Variants in PPARD observed in about 807,000 individuals in gnomAD.
PPARD encodes peroxisome proliferator-activated receptor delta.
PPARD carries 6 observed loss-of-function variants against 39.5 expected under a neutral mutation model. That is an observed-to-expected ratio of 0.15 (90% CI 0.08 to 0.30). The LOEUF is 0.30. PPARD is among the 10% of genes least tolerant of loss of function. PPARD has a pLI of 1.00. For synonymous variants in PPARD, 210 were observed against 231.3 expected, an observed-to-expected ratio of 0.91 and a Z score of 0.83; for missense variants, 397 against 596.8, an observed-to-expected ratio of 0.67 and a Z score of 3.49.
intron 2 of PPARD, among the ~76,000 whole-genome samples, chr6:35,376,742 C>T (rs1222463178): frequency 2.6e-5 from 4 of 152,100 alleles, no homozygotes; most frequent in Non-Finnish European, 5.9e-5. Flanking sequence ...GACCTCCCGC[C>T]GGGCATGGTG....
At position 35,412,151 on chromosome 6, in the gene PPARD, G is replaced by A. The variant is rs956437723; in HGVS notation, c.130+934G>A. 3.3e-5 allele frequency among the ~76,000 whole-genome samples: 5 copies of A among 151,974 alleles called. No individual in the cohort carries two copies. Among genetic ancestry groups the A allele is most frequent in the African/African-American group, 7.3e-5 (3 of 41,352 alleles). ...TCACCATGTTGGCCAGGCTGGTCTC[G>A]AACCGCTGGGCTCAAGCAATCCACC... On this transcript the variant is annotated intron_variant, in intron 3 of 7. Coordinates refer to ENST00000360694, the MANE Select transcript of PPARD (RefSeq NM_006238.5). This position sits in a 1 kb window ranked among gnomAD's most constrained non-coding sequence, Gnocchi z 4.1.
At chr6:35,390,269 A>G (rs951020469) in intron 2 of PPARD, among the ~76,000 whole-genome samples, 6 of 152,166 alleles carry the variant, frequency 3.9e-5, no homozygotes, top group African/African-American at 1.4e-4. Flanking sequence ...CCTCCATCAC[A>G]CAGTTTGTAT....
rs17847870 is a variant in PPARD, at chr6:35,420,104, G to T, written c.131-23G>T. On this transcript the variant is annotated intron_variant, in intron 3 of 7. Coordinates refer to ENST00000360694, the MANE Select transcript of PPARD (RefSeq NM_006238.5). ...TCCAGGCCTGGCAGCATGTGGAGCT[G>T]CCCCTCCATCGTGTGTCCGCAGACC... The T allele has an allele frequency of 3.2e-5, 51 of 1,606,334 alleles. No individual in the cohort carries two copies. The East Asian group carries it at 1.1e-3, about 35-fold the overall frequency.
intron 2 of PPARD, among the ~76,000 whole-genome samples, chr6:35,385,085 C>A (rs1417031487): frequency 6.8e-6 from 1 of 146,268 alleles, no homozygotes; most frequent in Admixed American, 6.7e-5. Context: ...GCCGCCCCTA[C>A]TGGGAAGTGA....
chr6:35,355,705 A>G (rs1400413427), intron 2 of PPARD, among the ~76,000 whole-genome samples: 3 of 126,766 alleles, frequency 2.4e-5, no homozygotes, highest in African/African-American at 9.1e-5. Flanking sequence ...TCCGCCTCCC[A>G]GGTTCGCGCC....
At chr6:35,370,175 G>C (rs1365987434) in intron 2 of PPARD, among the ~76,000 whole-genome samples, 2 of 152,172 alleles carry the variant, frequency 1.3e-5, no homozygotes, top group African/African-American at 4.8e-5. Flanking sequence ...GATGCTGTCT[G>C]TGTCCTGACC....
intron 2 of PPARD, chr6:35,348,536 G>A (rs1006069571): frequency 1.7e-5 from 17 of 985,286 alleles, no homozygotes; most frequent in Non-Finnish European, 1.8e-5. Flanking sequence ...GCTGGGGGCC[G>A]GGGAAACGTG....
chr6:35,398,217 G>A (rs1764469344), intron 2 of PPARD, among the ~76,000 whole-genome samples: 1 of 152,166 alleles, frequency 6.6e-6, no homozygotes, highest in South Asian at 2.1e-4. Flanking sequence ...GAGAGTGGGT[G>A]GTGAGGTGGG....
chr6:35,351,588 A>C (rs200812911), intron 2 of PPARD, among the ~76,000 whole-genome samples: 1 of 149,756 alleles, frequency 6.7e-6, no homozygotes, highest in East Asian at 2.0e-4. Context: ...CATCTCCCTC[A>C]GTCACCCAGG....
At position 35,412,414 on chromosome 6, in the gene PPARD, C is replaced by T. The variant is rs1204439589; in HGVS notation, c.130+1197C>T. Among the ~76,000 whole-genome samples the T allele has an allele frequency of 3.3e-5, 5 of 152,164 alleles. No homozygotes were observed. Among genetic ancestry groups the T allele is most frequent in the African/African-American group, 1.2e-4 (5 of 41,436 alleles). On this transcript the variant is annotated intron_variant, in intron 3 of 7. Transcript: ENST00000360694. The surrounding 1 kb of genome is among the most constrained non-coding windows in gnomAD (Gnocchi z 4.1). ...AGCTGCAGGAGATCCTAGCCACAGG[C>T]GGTGACTCAGGCAGAGGAGCAAGCC...
At chr6:35,346,898 C>T (rs917086117) in intron 1 of PPARD, among the ~76,000 whole-genome samples, 169 bp from the exon 2 acceptor site, 2 of 152,242 alleles carry the variant, frequency 1.3e-5, no homozygotes, top group Non-Finnish European at 2.9e-5. Context: ...GAAATATTTG[C>T]TGACTCAGGC....
intron 2 of PPARD, among the ~76,000 whole-genome samples, chr6:35,384,049 C>A (rs1763369393): frequency 6.7e-6 from 1 of 149,426 alleles, no homozygotes; most frequent in African/African-American, 2.5e-5. Context: ...GGGGGGTCAG[C>A]CCCCCGCCAG....
chr6:35,359,013 C>T (rs556214546), intron 2 of PPARD, among the ~76,000 whole-genome samples: 4 of 152,134 alleles, frequency 2.6e-5, no homozygotes, highest in South Asian at 4.2e-4. Flanking sequence ...CATAGAGGGC[C>T]GGGGAAGGTC....
intron 2 of PPARD, among the ~76,000 whole-genome samples, chr6:35,409,163 C>G (rs193277196): frequency 1.3e-5 from 2 of 152,150 alleles, no homozygotes; most frequent in East Asian, 3.9e-4. Flanking sequence ...ATCACTCCCT[C>G]TCATCTTCCA....
chr6:35,402,165 A>G (rs1277888137), intron 2 of PPARD, among the ~76,000 whole-genome samples: 1 of 152,228 alleles, frequency 6.6e-6, no homozygotes, highest in Non-Finnish European at 1.5e-5. Flanking sequence ...GAAATTGGAT[A>G]ACATAGGAAA....
chr6:35,399,273 G>A (rs1278668115), intron 2 of PPARD, among the ~76,000 whole-genome samples: 1 of 148,774 alleles, frequency 6.7e-6, no homozygotes, highest in Non-Finnish European at 1.5e-5. Flanking sequence ...GGTGGCAGGT[G>A]CCTGTAATCC....
chr6:35,404,963 G>C (rs894736426), intron 2 of PPARD, among the ~76,000 whole-genome samples: 12 of 144,688 alleles, frequency 8.3e-5, no homozygotes, highest in Admixed American at 1.4e-4. Flanking sequence ...TTGTGTGTGT[G>C]TGTGTGTGTG....
intron 2 of PPARD, among the ~76,000 whole-genome samples, chr6:35,408,799 AGAGT>A (rs1765230057): frequency 1.3e-5 from 2 of 152,260 alleles, no homozygotes; most frequent in Non-Finnish European, 2.9e-5. Flanking sequence ...TCGGTGTTAC[AGAGT>A]AAGTTGCAGA....
chr6:35,425,811 G>A lies in PPARD; in HGVS notation c.1079-21G>A, dbSNP rs1766533025. ...CTCCACTGCCTTTCTGAGCTCCCTG[G>A]CGTGCCCTGTGTCCCCACAGACCGG... On this transcript the variant is annotated intron_variant, in intron 7 of 7. Transcript: ENST00000360694. The surrounding 1 kb of genome is among the most constrained non-coding windows in gnomAD (Gnocchi z 4.5). 1.2e-6 allele frequency: 2 copies of A among 1,612,078 alleles called. No homozygotes were observed. Among genetic ancestry groups the A allele is most frequent in the Non-Finnish European group, 8.5e-7 (1 of 1,179,202 alleles).
Sources: gnomAD v4.1 joint callset for allele counts (sites outside exome capture counted in the v4.1 genomes callset) on GRCh38, gnomAD v4.1.1 for gene constraint, Gnocchi (gnomAD v3.1) non-coding constraint, MANE v1.5 for transcripts, NCBI Gene and HGNC (gene_info 2026-07-23, HGNC 2026-07-21) for gene names.